KSR1: variants seen among roughly 807,000 people sequenced by gnomAD.
KSR1 encodes kinase suppressor of ras 1, also known as kinase suppressor of ras.
In KSR1, 35 loss-of-function variants were observed where a neutral mutation model predicts 92.9. The ratio of observed to expected loss-of-function variants is 0.38; its 90% CI spans 0.29 to 0.50. The LOEUF is 0.50. Ranked by LOEUF, KSR1 falls within the 20% of genes least tolerant of loss-of-function variation. KSR1 has a pLI of 0.94. For synonymous variants in KSR1, 467 were observed against 472.6 expected (o/e 0.99, Z 0.15); for missense variants, 972 against 1,158.5 (o/e 0.84, Z 2.34).
chr17:27,483,562 G>A (rs1163102209), intron 1 of KSR1: 1 of 150,020 alleles, frequency 6.7e-6, no homozygotes, highest in East Asian at 1.9e-4. Context: ...ACTCCAGCCT[G>A]GGCAACAAGA....
At chr17:27,623,073 G>A (rs536130856) in intron 20 of KSR1, 2 of 583,018 alleles carry the variant, frequency 3.4e-6, no homozygotes, top group East Asian at 2.9e-5. Context: ...CATGCTGGGA[G>A]CTTGGGACTT....
At chr17:27,619,148 G>A (rs900762318) in intron 19 of KSR1, among the ~76,000 whole-genome samples, 19 of 152,060 alleles carry the variant, frequency 1.2e-4, no homozygotes, top group Non-Finnish European at 2.9e-5. Context: ...TGAGGCCCCC[G>A]TCCCTGTGTA....
chr17:27,560,183 CT>C (rs2071768184), intron 2 of KSR1: 1 of 315,766 alleles, frequency 3.2e-6, no homozygotes, highest in Non-Finnish European at 6.1e-6. Flanking sequence ...AAGCGGCCCC[CT>C]GTCCCACAAG....
intron 1 of KSR1, among the ~76,000 whole-genome samples, chr17:27,538,213 A>G (rs867854989): frequency 6.6e-6 from 1 of 152,344 alleles, no homozygotes; most frequent in African/African-American, 2.4e-5. Flanking sequence ...TTTGGTTGCA[A>G]GTAACAGAAA....
chr17:27,584,019 TC>T, intron 4 of KSR1: 1 of 968,054 alleles, frequency 1.0e-6, no homozygotes, highest in Non-Finnish European at 1.2e-6. Context: ...GTATAGTTTA[TC>T]TTGTCCCTTC....
intron 1 of KSR1, among the ~76,000 whole-genome samples, chr17:27,500,169 A>C (rs2069126541): frequency 6.6e-6 from 1 of 152,230 alleles, no homozygotes; most frequent in Non-Finnish European, 1.5e-5. Context: ...TGCAGGGGTC[A>C]GTGGGACAAG....
At chr17:27,502,010 C>G (rs1231876015) in intron 1 of KSR1, among the ~76,000 whole-genome samples, 1 of 152,222 alleles carries the variant, frequency 6.6e-6, no homozygotes, top group East Asian at 1.9e-4. Flanking sequence ...AGGTACTGGG[C>G]TTGGTGGAGA....
rs530600185 is a variant in KSR1, at chr17:27,533,760, G to A, written c.232-16808G>A. 9.2e-5 allele frequency among the ~76,000 whole-genome samples: 14 copies of A among 152,320 alleles called. No homozygotes were observed. The East Asian group carries it at 2.7e-3, about 29-fold the overall frequency. ...GCAGAACCCACAGATCCTAAGGGCT[G>A]TCTGTACGCATAAAGCACTTAAAGC... is the stretch of plus-strand genomic sequence containing the variant. On this transcript the variant is annotated intron_variant, in intron 1 of 20. Coordinates refer to ENST00000644974, the MANE Select transcript of KSR1 (RefSeq NM_001394583.1).
intron 2 of KSR1, among the ~76,000 whole-genome samples, chr17:27,576,620 G>C (rs1211402955): frequency 6.6e-6 from 1 of 152,196 alleles, no homozygotes. Flanking sequence ...AGTGGAGACA[G>C]TGTGGAGACG....
chr17:27,520,063 C>T (rs2069960154), intron 1 of KSR1, among the ~76,000 whole-genome samples: 1 of 152,210 alleles, frequency 6.6e-6, no homozygotes, highest in Non-Finnish European at 1.5e-5. Context: ...ATGTCAGGCC[C>T]TTTGTTGCAC....
At chr17:27,567,559 G>A (rs1417614978) in intron 2 of KSR1, among the ~76,000 whole-genome samples, 10 of 152,200 alleles carry the variant, frequency 6.6e-5, no homozygotes, top group African/African-American at 1.9e-4. Context: ...GCCCAGAGCC[G>A]CATTGCTTCT....
chr17:27,561,906 C>T (rs965752622), intron 2 of KSR1, among the ~76,000 whole-genome samples: 16 of 152,084 alleles, frequency 1.1e-4, no homozygotes, highest in African/African-American at 3.6e-4. Flanking sequence ...AGTAGAGTGA[C>T]GCAATCTTGG....
chr17:27,610,004 A>G, intron 16 of KSR1, 63 bp from the exon 17 acceptor site: 19 of 1,598,002 alleles, frequency 1.2e-5, no homozygotes, highest in Non-Finnish European at 1.6e-5. Flanking sequence ...GACCTGTGCC[A>G]GGCAGGCCTC....
intron 2 of KSR1, among the ~76,000 whole-genome samples, chr17:27,575,044 G>A (rs2072451711): frequency 2.6e-5 from 4 of 152,176 alleles, no homozygotes; most frequent in Admixed American, 6.5e-5. Flanking sequence ...TCCCAGGTTT[G>A]GTATTGTTGC....
chr17:27,537,767 A>G (rs2070805052), intron 1 of KSR1, among the ~76,000 whole-genome samples: 1 of 152,256 alleles, frequency 6.6e-6, no homozygotes, highest in African/African-American at 2.4e-5. Context: ...TATAGAATGT[A>G]TAGCATGATG....
rs1174594260 is a variant in KSR1 at position 27,577,050 on chromosome 17, T to TG, written c.373-442_373-441insG. ...GCAGTGTTTGGTGAGGTTTTTTTGTTTTTTTTTTTTAAATCCTTCCTTTCT... is the reference window on the plus strand; with the variant it reads ...GCAGTGTTTGGTGAGGTTTTTTTGTTGTTTTTTTTTTAAATCCTTCCTTTCT... On this transcript the variant is annotated intron_variant, in intron 2 of 20. Coordinates refer to ENST00000644974, the MANE Select transcript of KSR1 (RefSeq NM_001394583.1). The surrounding 1 kb of genome is among the most constrained non-coding windows in gnomAD (Gnocchi z 4.5). 4.7e-5 allele frequency among the ~76,000 whole-genome samples: 7 copies of TG among 150,362 alleles called. No individual in the cohort carries two copies. The highest frequency in any genetic ancestry group is 3.9e-4 in the East Asian group (2 of 5,110).
intron 16 of KSR1, 33 bp from the exon 17 acceptor site, chr17:27,610,034 C>G (rs565050274): frequency 5.3e-5 from 85 of 1,612,038 alleles, no homozygotes; most frequent in Non-Finnish European, 7.0e-5. Flanking sequence ...TGCTGAAAGG[C>G]CTGTGTCCTT....
intron 1 of KSR1, among the ~76,000 whole-genome samples, chr17:27,534,973 A>G (rs1315793168): frequency 6.6e-6 from 1 of 152,226 alleles, no homozygotes; most frequent in East Asian, 1.9e-4. Context: ...GTGGCTAATC[A>G]GTGACCTTCT....
intron 2 of KSR1, among the ~76,000 whole-genome samples, chr17:27,573,471 A>G (rs2072387375): frequency 6.6e-6 from 1 of 152,266 alleles, no homozygotes; most frequent in South Asian, 2.1e-4. Flanking sequence ...ATCATGAACT[A>G]TAACAAGTGG....
Sources: allele counts gnomAD v4.1 joint callset (sites outside exome capture counted in the v4.1 genomes callset), GRCh38; gene constraint gnomAD v4.1.1; non-coding constraint Gnocchi (gnomAD v3.1); transcripts MANE v1.5; gene names NCBI Gene and HGNC (gene_info 2026-07-23, HGNC 2026-07-21).